NFKB1: variants seen among roughly 807,000 people sequenced by gnomAD.
The protein encoded by NFKB1 is nuclear factor kappa B subunit 1, also known as nuclear factor NF-kappa-B p105 subunit.
A neutral mutation model predicts 105.1 loss-of-function variants in NFKB1; 9 were observed. The observed-to-expected ratio is 0.09, with a 90% confidence interval of 0.05 to 0.15. The LOEUF is 0.15. NFKB1 is among the 10% of genes least tolerant of loss of function. The pLI, the probability that NFKB1 is intolerant of heterozygous loss-of-function variation, is 1.00. For synonymous variants in NFKB1, 440 were observed against 442.2 expected, an observed-to-expected ratio of 1.00 and a Z score of 0.06; for missense variants, 830 against 1,203.7, an observed-to-expected ratio of 0.69 and a Z score of 4.59.
chr4:102,527,142 G>C (rs192645711), intron 2 of NFKB1, among the ~76,000 whole-genome samples: 1 of 152,128 alleles, frequency 6.6e-6, no homozygotes, highest in Non-Finnish European at 1.5e-5. Context: ...AAAAATAAGT[G>C]ATATATACAC....
At chr4:102,552,702 AACTT>A (rs773770245) in intron 5 of NFKB1, among the ~76,000 whole-genome samples, 6 of 152,188 alleles carry the variant, frequency 3.9e-5, no homozygotes, top group Non-Finnish European at 8.8e-5. Context: ...TAGAATGTAT[AACTT>A]ACTTCATATA....
intron 1 of NFKB1, among the ~76,000 whole-genome samples, chr4:102,502,318 C>G (rs962429902): frequency 2.0e-5 from 3 of 151,096 alleles, no homozygotes; most frequent in African/African-American, 7.3e-5. Context: ...TCTCCTACTT[C>G]TAAAAGAAAC....
chr4:102,571,980 C>T (rs1724405978), intron 6 of NFKB1, among the ~76,000 whole-genome samples: 2 of 152,208 alleles, frequency 1.3e-5, no homozygotes, highest in Admixed American at 1.3e-4. Context: ...CATCCCATTA[C>T]TGGGTATATA....
At chr4:102,606,439 A>G (rs1201569046) in intron 16 of NFKB1, 57 bp from the exon 17 acceptor site, 3 of 1,516,250 alleles carry the variant, frequency 2.0e-6, no homozygotes, top group Admixed American at 1.7e-5. Context: ...CCAAGCTGTG[A>G]GTTGTAAGTA....
chr4:102,544,013 T>G (rs1179615067), intron 5 of NFKB1, among the ~76,000 whole-genome samples: 1 of 152,178 alleles, frequency 6.6e-6, no homozygotes, highest in Admixed American at 6.6e-5. Context: ...GAAAAGCTGC[T>G]TATTGAACAG....
chr4:102,574,603 C>G (rs1015255529), intron 6 of NFKB1, among the ~76,000 whole-genome samples: 1 of 152,158 alleles, frequency 6.6e-6, no homozygotes, highest in Non-Finnish European at 1.5e-5. Flanking sequence ...GTTCCTCCTT[C>G]CTGTGCTGCA....
chr4:102,565,540 A>C (rs1598861), intron 5 of NFKB1, among the ~76,000 whole-genome samples: 39,030 of 152,124 alleles, frequency 0.26, 6,222 homozygotes, highest in Non-Finnish European at 0.35. Context: ...TGAAGTTTAT[A>C]GTAGAAGTAG....
At chr4:102,505,344 G>A (rs1052268140) in intron 1 of NFKB1, among the ~76,000 whole-genome samples, 1 of 152,162 alleles carries the variant, frequency 6.6e-6, no homozygotes, top group African/African-American at 2.4e-5. Context: ...AATAAAAATA[G>A]TGCATTTTAC....
chr4:102,506,889 A>G (rs1739448861), intron 1 of NFKB1, among the ~76,000 whole-genome samples: 1 of 151,634 alleles, frequency 6.6e-6, no homozygotes, highest in African/African-American at 2.4e-5. Flanking sequence ...ATATGTAACT[A>G]ATGTGTATAT....
In NFKB1 at chr4:102,607,296, T is replaced by C. The variant is rs1255908925; in HGVS notation, c.2101T>C (p.Leu701=). Residue 701 remains leucine (L), a synonymous_variant, in exon 18 of 24, where the codon TTG becomes CTG. Transcript: ENST00000226574. ...HLAVEHDNIS[L]AGCLLLEGDA... The stretch of plus-strand genomic sequence containing the variant: ...GGCTGTGGAGCACGACAACATCTCA[T>C]TGGCAGGCTGCCTGCTCCTGGAGGT... The C allele has an allele frequency of 6.2e-7, 1 of 1,612,846 alleles. No homozygotes were observed. The highest frequency in any genetic ancestry group is 2.2e-5 in the East Asian group (1 of 44,846).
chr4:102,518,602 ATC>A (rs1740358110), intron 1 of NFKB1, among the ~76,000 whole-genome samples: 1 of 152,112 alleles, frequency 6.6e-6, no homozygotes, highest in South Asian at 2.1e-4. Flanking sequence ...AAAAAGGAGA[ATC>A]ACCACAAAGC....
Position 102,504,039 on chromosome 4 carries a change from T to C in NFKB1, c.-8+2251T>C, listed in dbSNP as rs550560987. Among the ~76,000 whole-genome samples the C allele has an allele frequency of 5.3e-5, 8 of 152,328 alleles. No homozygotes were observed. In the East Asian group the frequency reaches 1.5e-3, roughly 29 times the overall value. ...TTTTACCTAATTTATGAGAGGTATT[T>C]CTCTGTTCAGAAGAGGTGAAAGTTC... On this transcript the variant is annotated intron_variant, in intron 1 of 23. Transcript: ENST00000226574.
intron 5 of NFKB1, among the ~76,000 whole-genome samples, chr4:102,556,082 T>A (rs1722969503): frequency 6.6e-6 from 1 of 152,138 alleles, no homozygotes; most frequent in Non-Finnish European, 1.5e-5. Flanking sequence ...TGGCAACTGG[T>A]TAAACATAAA....
At chr4:102,558,466 C>T (rs1723157147) in intron 5 of NFKB1, among the ~76,000 whole-genome samples, 1 of 152,106 alleles carries the variant, frequency 6.6e-6, no homozygotes, top group Non-Finnish European at 1.5e-5. Flanking sequence ...TATCTCCACT[C>T]CTCACCCACT....
chr4:102,532,800 T>C (rs1741384340), intron 3 of NFKB1, among the ~76,000 whole-genome samples: 1 of 152,196 alleles, frequency 6.6e-6, no homozygotes, highest in South Asian at 2.1e-4. Flanking sequence ...CTAAAATATT[T>C]TTAGCACCAA....
In NFKB1 at chr4:102,561,271, T is replaced by TGTG. The variant is rs1295254264; in HGVS notation, c.259-5716_259-5715insGTG. Among the ~76,000 whole-genome samples the TGTG allele has an allele frequency of 9.0e-3, 976 of 108,390 alleles. 6 individuals carry two copies. Among genetic ancestry groups the TGTG allele is most frequent in the African/African-American group, 0.037 (905 of 24,434 alleles). The allele number at this position is 108,390 out of a possible 152,430, so 71.1% of individuals were successfully genotyped here. ...TATTCTCTTTCTTTCTTTCCTTTTT[T>TGTG]TTTTTTTTTTTGTGTGTGTGTGTGT... is the stretch of plus-strand genomic sequence containing the variant. On this transcript the variant is annotated intron_variant, in intron 5 of 23. Transcript: ENST00000226574.
chr4:102,509,154 G>C (rs972041015), intron 1 of NFKB1, among the ~76,000 whole-genome samples: 2 of 152,228 alleles, frequency 1.3e-5, no homozygotes, highest in East Asian at 1.9e-4. Flanking sequence ...TCCAACAATA[G>C]TCAAATGCAT....
At chr4:102,551,362 G>GCGCGCGCGCGCA (rs1378384670) in intron 5 of NFKB1, among the ~76,000 whole-genome samples, 1,083 of 84,904 alleles carry the variant, frequency 0.013, 8 homozygotes, top group African/African-American at 0.061. Context: ...GTGTGTGTGT[G>GCGCGCGCGCGCA]TGTGTGCGCG....
Position 102,612,490 on chromosome 4 carries a change from A to G in NFKB1, c.2476A>G (p.Ile826Val), listed in dbSNP as rs761606059. ...VKLQLYKLLE[I>V]PDPDKNWATL... Reference sequence around the variant, plus strand: ...GCTGCAGCTGTATAAGTTACTAGAAATTCCTGATCCAGACAAAAACTGGGC... The same window carrying G: ...GCTGCAGCTGTATAAGTTACTAGAAGTTCCTGATCCAGACAAAAACTGGGC... The change falls in exon 22 of 24, where the codon ATT becomes GTT. Residue 826 changes from isoleucine to valine, a missense_variant. This residue lies in a region of NFKB1 where 418 missense variants were observed against 575.3 expected (regional missense o/e 0.73). Coordinates refer to ENST00000226574, the MANE Select transcript of NFKB1 (RefSeq NM_003998.4). 14 of 1,613,824 alleles carry G rather than the reference A, an allele frequency of 8.7e-6. No individual in the cohort carries two copies. In the East Asian group the frequency reaches 3.1e-4, roughly 36 times the overall value.
Sources: gnomAD v4.1 joint callset for allele counts (sites outside exome capture counted in the v4.1 genomes callset) on GRCh38, gnomAD v4.1.1 for gene constraint, gnomAD v4.1.1 regional missense constraint, MANE v1.5 for transcripts, NCBI Gene and HGNC (gene_info 2026-07-23, HGNC 2026-07-21) for gene names.